Variants in AKAP9 observed in about 807,000 individuals in gnomAD.
The protein encoded by AKAP9 is A-kinase anchor protein 9.
In AKAP9, 311 loss-of-function variants were observed where a neutral mutation model predicts 488.5. The observed-to-expected ratio is 0.64, with a 90% CI of 0.58 to 0.70. The LOEUF is 0.70. Among genes scored for constraint, AKAP9 ranks in the 30% least tolerant of loss-of-function variants. AKAP9 has a pLI of 0.00. For missense variants in AKAP9, 4,215 were observed against 4,374.5 expected, an observed-to-expected ratio of 0.96 and a Z score of 1.03; for synonymous variants, 1,462 against 1,483.5, an observed-to-expected ratio of 0.99 and a Z score of 0.33.
At chr7:91,941,250 C>A in intron 1 of AKAP9, 103 bp downstream of exon 1, 3 of 1,150,150 alleles carry the variant, frequency 2.6e-6, no homozygotes, top group Non-Finnish European at 2.6e-6. Flanking sequence ...CAGTGCACTG[C>A]CCGAGAGGGA....
rs189358218 is a variant in AKAP9, at chr7:92,003,345, A to T, written c.3318+110A>T. 1.8e-4 allele frequency: 147 copies of T among 824,214 alleles called. 1 individual carries two copies. Among genetic ancestry groups the T allele is most frequent in the Admixed American group, 4.7e-4 (17 of 36,082 alleles). The allele number at this position is 824,214 out of a possible 1,614,324, so 51.1% of individuals were successfully genotyped here. A position where few individuals can be genotyped will look rare whatever the true frequency, so the allele number is the denominator to read the frequency against. ...TTCATATCCTTACAAGAGAATGAAA[A>T]TGAACCCTCTGATGTAATTTTAACT... On this transcript the variant is annotated intron_variant, in intron 8 of 49. Coordinates refer to ENST00000356239, the MANE Select transcript of AKAP9 (RefSeq NM_005751.5).
intron 45 of AKAP9, among the ~76,000 whole-genome samples, chr7:92,101,860 A>T (rs1296337185): frequency 6.6e-6 from 1 of 152,176 alleles, no homozygotes; most frequent in Non-Finnish European, 1.5e-5. Flanking sequence ...ATTAACATTT[A>T]AAAAGTTAGA....
chr7:92,020,915 C>G (rs1385977837), intron 12 of AKAP9, among the ~76,000 whole-genome samples: 2 of 152,144 alleles, frequency 1.3e-5, no homozygotes, highest in Non-Finnish European at 2.9e-5. Flanking sequence ...TTTTCTTTTG[C>G]TCAGCTGCTT....
chr7:92,088,078 T>C (rs1262990977), intron 37 of AKAP9, among the ~76,000 whole-genome samples: 1 of 152,026 alleles, frequency 6.6e-6, no homozygotes, highest in Non-Finnish European at 1.5e-5. Context: ...GAAAGTATAT[T>C]TACATAGTCT....
chr7:92,017,950 G>A (rs937412374), intron 12 of AKAP9, among the ~76,000 whole-genome samples: 2 of 152,036 alleles, frequency 1.3e-5, no homozygotes, highest in African/African-American at 4.8e-5. Flanking sequence ...GTTCATTATG[G>A]ATTTATGCCT....
In AKAP9 at chr7:91,969,753, C is replaced by T. The variant is rs371123342; in HGVS notation, c.49-3958C>T. Among the ~76,000 whole-genome samples the T allele has an allele frequency of 9.2e-5, 14 of 152,102 alleles. No individual in the cohort carries two copies. The East Asian group carries it at 9.6e-4, about 10-fold the overall frequency. ...TGTTCTTTTTTGGTGTCCAGTTGCA[C>T]GGAATATCCTTTTCCACCCCTTCAC... On this transcript the variant is annotated intron_variant, in intron 1 of 49. Coordinates refer to ENST00000356239, the MANE Select transcript of AKAP9 (RefSeq NM_005751.5).
intron 38 of AKAP9, 183 bp from the exon 39 acceptor site, chr7:92,092,914 G>A (rs2130891209): frequency 3.5e-6 from 2 of 565,944 alleles, no homozygotes; most frequent in Admixed American, 3.0e-5. Context: ...GCCTCCCAAA[G>A]TGCTGGGATT....
At chr7:91,946,748 G>A (rs1330752177) in intron 1 of AKAP9, among the ~76,000 whole-genome samples, 2 of 152,170 alleles carry the variant, frequency 1.3e-5, no homozygotes, top group African/African-American at 4.8e-5. Flanking sequence ...TGCCCTGTCA[G>A]TGAAACTGAA....
chr7:92,026,168 T>C (rs894366852), intron 14 of AKAP9, among the ~76,000 whole-genome samples: 10 of 152,130 alleles, frequency 6.6e-5, no homozygotes, highest in Admixed American at 2.0e-4. Flanking sequence ...ATCATATAAA[T>C]AGGAAAATCA....
rs1809745948 is a variant in AKAP9, at chr7:92,061,324, C to G, written c.5666C>G (p.Ala1889Gly). ...MRESFRQKQE[A>G]TESLKCQEEL... ...GAGTCATTTAGACAGAAACAAGAAG[C>G]AACAGAGTCCCTTAAGTGCCAAGAG... Residue 1889 changes from alanine to glycine, a missense_variant, in exon 23 of 50, where the codon GCA becomes GGA. Coordinates refer to ENST00000356239, the MANE Select transcript of AKAP9 (RefSeq NM_005751.5). 1.2e-6 allele frequency: 2 copies of G among 1,612,902 alleles called. No individual in the cohort carries two copies. Among genetic ancestry groups the G allele is most frequent in the Non-Finnish European group, 1.7e-6 (2 of 1,179,454 alleles).
intron 21 of AKAP9, among the ~76,000 whole-genome samples, chr7:92,051,621 A>G (rs879730538): frequency 6.6e-6 from 1 of 152,198 alleles, no homozygotes; most frequent in Non-Finnish European, 1.5e-5. Flanking sequence ...TTGCGTCTGA[A>G]GCTGTATCTG....
At chr7:92,046,972 C>G (rs527344965) in intron 21 of AKAP9, among the ~76,000 whole-genome samples, 2 of 152,160 alleles carry the variant, frequency 1.3e-5, no homozygotes, top group South Asian at 2.1e-4. Flanking sequence ...ACATGGCTGC[C>G]AAAGTATTCA....
intron 22 of AKAP9, among the ~76,000 whole-genome samples, chr7:92,053,726 G>T (rs554040573): frequency 5.9e-5 from 9 of 152,250 alleles, no homozygotes; most frequent in African/African-American, 1.4e-4. Context: ...CAAAAGCTTT[G>T]TGTAGAGCAG....
In AKAP9 at chr7:92,001,374, A is replaced by G. The variant is rs748637545; in HGVS notation, c.1457A>G (p.Asp486Gly). Reference sequence around the variant, plus strand: ...TATTCAAATATTACAGTTAATGAAGATCAGATAAAGTTAATGAATGTGGCA... The same window carrying G: ...TATTCAAATATTACAGTTAATGAAGGTCAGATAAAGTTAATGAATGTGGCA... The part of the protein sequence containing the change: ...RSYSNITVNE[D>G]QIKLMNVAIN... Residue 486 changes from aspartate (D) to glycine (G), a missense_variant, in exon 8 of 50, where the codon GAT (aspartate) becomes GGT (glycine). This residue lies in a region of AKAP9 where 2,361 missense variants were observed against 2,430.0 expected (regional missense o/e 0.97). Coordinates refer to ENST00000356239, the MANE Select transcript of AKAP9 (RefSeq NM_005751.5). The G allele has an allele frequency of 3.1e-6, 5 of 1,613,834 alleles. No individual in the cohort carries two copies. Among genetic ancestry groups the G allele is most frequent in the South Asian group, 2.2e-5 (2 of 91,068 alleles).
chr7:92,016,124 A>G lies in AKAP9; in HGVS notation c.3613-5A>G. On this transcript the variant is annotated splice_region_variant and splice_polypyrimidine_tract_variant and intron_variant, in intron 10 of 49. Coordinates refer to ENST00000356239, the MANE Select transcript of AKAP9 (RefSeq NM_005751.5). Reference sequence around the variant, plus strand: ...CCTTAAAATACACAATTTTGTTGTTAACAGACTTTATGCAGTGTCCTTGGT... The same window carrying G: ...CCTTAAAATACACAATTTTGTTGTTGACAGACTTTATGCAGTGTCCTTGGT... The G allele has an allele frequency of 6.3e-7, 1 of 1,599,216 alleles. No homozygotes were observed. The highest frequency in any genetic ancestry group is 8.6e-7 in the Non-Finnish European group (1 of 1,167,886).
chr7:92,041,236 A>G (rs1435190568), intron 18 of AKAP9: 9 of 237,348 alleles, frequency 3.8e-5, no homozygotes, highest in South Asian at 7.7e-5. Flanking sequence ...TAGCAAACTC[A>G]CTTTGACATT....
rs192845338 is a variant in AKAP9 at position 92,095,133 on chromosome 7, A to G, written c.9689A>G (p.Lys3230Arg). 218 of 1,614,208 alleles carry G rather than the reference A, an allele frequency of 1.4e-4. 1 individual carries two copies. Among genetic ancestry groups the G allele is most frequent in the Admixed American group, 6.5e-4 (39 of 60,028 alleles). ...LQWALEKEKA[K>R]LGRSEERDKE... ...TGGGCTTTGGAGAAAGAGAAAGCCA[A>G]GTTGGGACGCAGTGAAGAACGGGAT... The change falls in exon 40 of 50, where the codon AAG becomes AGG. Residue 3230 changes from lysine (K) to arginine (R), a missense_variant. This residue lies in a region of AKAP9 where 1,476 missense variants were observed against 1,477.4 expected (regional missense o/e 1.00). Transcript: ENST00000356239.
chr7:92,089,074 C>T (rs1396084326), intron 37 of AKAP9, among the ~76,000 whole-genome samples: 1 of 152,028 alleles, frequency 6.6e-6, no homozygotes, highest in Non-Finnish European at 1.5e-5. Flanking sequence ...CTGTGAAGTA[C>T]ATTTCACAAA....
intron 12 of AKAP9, among the ~76,000 whole-genome samples, chr7:92,020,527 C>G (rs992610716): frequency 2.0e-5 from 3 of 152,164 alleles, no homozygotes; most frequent in African/African-American, 7.2e-5. Context: ...CTTGATTACC[C>G]TTCTGTCCTT....
Sources: allele counts gnomAD v4.1 joint callset (sites outside exome capture counted in the v4.1 genomes callset), GRCh38; gene constraint gnomAD v4.1.1; regional missense constraint gnomAD v4.1.1; transcripts MANE v1.5; gene names NCBI Gene and HGNC (gene_info 2026-07-23, HGNC 2026-07-21).